The following FAIM2 variants were observed in gnomAD, a reference collection of about 807,000 sequenced individuals.
FAIM2 encodes the protein protein lifeguard 2.
In FAIM2, 27 loss-of-function variants were observed where a neutral mutation model predicts 47.4. The ratio of observed to expected loss-of-function variants is 0.57; its 90% CI spans 0.42 to 0.78. FAIM2 has a LOEUF of 0.78. FAIM2 is among the 30% of genes least tolerant of loss of function. FAIM2 has a pLI of 0.00. For missense variants in FAIM2, 311 were observed against 389.4 expected (o/e 0.80, Z 1.69); for synonymous variants, 156 against 159.3 (o/e 0.98, Z 0.16).
chr12:49,897,857 G>A (rs943962039), intron 3 of FAIM2, 130 bp downstream of exon 3: 7 of 718,608 alleles, frequency 9.7e-6, no homozygotes, highest in Middle Eastern at 3.8e-4. Context: ...TTCCTAGTGG[G>A]TGCTGTCAGC....
intron 2 of FAIM2, 108 bp from the exon 3 acceptor site, chr12:49,898,198 A>C (rs1946953857): frequency 2.1e-6 from 1 of 486,228 alleles, no homozygotes; most frequent in Admixed American, 3.1e-5. Flanking sequence ...GGCTCTCTGG[A>C]CCCTGAAGTC....
chr12:49,894,618 G>A (rs1284617413), intron 5 of FAIM2, among the ~76,000 whole-genome samples: 1 of 152,292 alleles, frequency 6.6e-6, no homozygotes, highest in South Asian at 2.1e-4. Flanking sequence ...AGAATGTCAG[G>A]ACAGGGAAGT....
chr12:49,876,885 C>G (rs1050856641), intron 11 of FAIM2, among the ~76,000 whole-genome samples: 14 of 152,218 alleles, frequency 9.2e-5, no homozygotes, highest in African/African-American at 3.4e-4. Flanking sequence ...GCCTGTGAGA[C>G]AGGCAGGTTA....
chr12:49,878,198 GTGTA>G lies in FAIM2; in HGVS notation c.802-7549_802-7546del, dbSNP rs1415030963. Among the ~76,000 whole-genome samples the G allele has an allele frequency of 6.6e-5, 9 of 135,422 alleles. 1 individual carries two copies. Among genetic ancestry groups the G allele is most frequent in the East Asian group, 2.5e-4 (1 of 4,070 alleles). 88.8% of individuals were successfully genotyped at this position (135,422 alleles called of 152,430 possible). ...TGCATGTGTATATGTGTGTGCATATGTGTATGTATGTGCTTGTGTGTATATGTGC... is the reference window on the plus strand; with the variant it reads ...TGCATGTGTATATGTGTGTGCATATGTGTATGTGCTTGTGTGTATATGTGC... On this transcript the variant is annotated intron_variant, in intron 11 of 11. Transcript: ENST00000320634.
intron 9 of FAIM2, 33 bp downstream of exon 9, chr12:49,889,448 C>G: frequency 6.3e-7 from 1 of 1,595,516 alleles, no homozygotes. Context: ...AGCCTCAGGC[C>G]AGGGGTCCCT....
At position 49,880,158 on chromosome 12, in the gene FAIM2, G is replaced by A. The variant is rs538080356; in HGVS notation, c.801+7228C>T. 5.4e-5 allele frequency among the ~76,000 whole-genome samples: 8 copies of A among 148,162 alleles called. No individual in the cohort carries two copies. The South Asian group carries it at 1.7e-3, about 32-fold the overall frequency. On this transcript the variant is annotated intron_variant, in intron 11 of 11. Coordinates refer to ENST00000320634, the MANE Select transcript of FAIM2 (RefSeq NM_012306.4). Reference sequence around the variant, plus strand: ...TGTGTATATGTGAGTGTATGTGTGTGCATGTGTGTATGTGTGTGTATGCAT... The same window carrying A: ...TGTGTATATGTGAGTGTATGTGTGTACATGTGTGTATGTGTGTGTATGCAT...
intron 11 of FAIM2, among the ~76,000 whole-genome samples, chr12:49,882,216 G>A (rs1023390941): frequency 2.4e-4 from 36 of 152,204 alleles, no homozygotes; most frequent in African/African-American, 8.2e-4. Flanking sequence ...ATTCCCCAAA[G>A]GCTACGGTGG....
intron 2 of FAIM2, 57 bp from the exon 3 acceptor site, chr12:49,898,147 C>A: frequency 8.6e-7 from 1 of 1,166,112 alleles, no homozygotes; most frequent in Non-Finnish European, 1.2e-6. Context: ...GAATTACTGT[C>A]CCCAACAGCC....
chr12:49,887,301 T>A, intron 11 of FAIM2, 85 bp downstream of exon 11: 2 of 1,237,126 alleles, frequency 1.6e-6, no homozygotes, highest in South Asian at 2.6e-5. Context: ...GGAAGAGGGC[T>A]GTGAGGAAGA....
At chr12:49,886,049 A>G (rs1009867722) in intron 11 of FAIM2, among the ~76,000 whole-genome samples, 66 of 152,028 alleles carry the variant, frequency 4.3e-4, no homozygotes, top group African/African-American at 1.5e-3. Context: ...AAGCCTCCGG[A>G]AATTTGACTA....
intron 2 of FAIM2, among the ~76,000 whole-genome samples, chr12:49,899,275 A>G (rs1450899347): frequency 2.6e-5 from 4 of 152,036 alleles, no homozygotes; most frequent in African/African-American, 9.7e-5. Context: ...CAAGTCCTCC[A>G]GTGTGTTCAT....
Position 49,898,007 on chromosome 12 carries a change from G to C in FAIM2, c.295C>G (p.Arg99Gly). 1 of 1,613,726 alleles carries C rather than the reference G, an allele frequency of 6.2e-7. No homozygotes were observed. Among genetic ancestry groups the C allele is most frequent in the South Asian group, 1.1e-5 (1 of 91,028 alleles). The change falls in exon 3 of 12, where the codon CGT (arginine) becomes GGT (glycine). Residue 99 changes from arginine to glycine, a missense_variant. Transcript: ENST00000320634. ...ATTACCTTTCTGACAAAGACTCGAC[G>C]AACTTTCTGGTCATCCCAGCTGAAA... ...TTFSWDDQKVRRVFVRKVYTI... is the reference protein window; with the variant it reads ...TTFSWDDQKVGRVFVRKVYTI...
chr12:49,879,783 CATGT>C (rs1021376583), intron 11 of FAIM2, among the ~76,000 whole-genome samples: 3 of 140,288 alleles, frequency 2.1e-5, no homozygotes, highest in African/African-American at 2.7e-5. Flanking sequence ...TATATATGTG[CATGT>C]GTGTATGTGT....
chr12:49,878,800 A>ATGTGCGTCTGTGTG lies in FAIM2; in HGVS notation c.802-8148_802-8147insCACACAGACGCACA, dbSNP rs796913911. Among the ~76,000 whole-genome samples the ATGTGCGTCTGTGTG allele has an allele frequency of 2.5e-5, 2 of 78,512 alleles. 1 individual carries two copies. Among genetic ancestry groups the ATGTGCGTCTGTGTG allele is most frequent in the Non-Finnish European group, 4.4e-5 (2 of 45,798 alleles). The allele number at this position is 78,512 out of a possible 152,430, so 51.5% of individuals were successfully genotyped here. A position where few individuals can be genotyped will look rare whatever the true frequency, so the allele number is the denominator to read the frequency against. ...TGAGTGTATGTGTGCCTGTGTGTAT[A>ATGTGCGTCTGTGTG]TGTGTGCATGTGAATGTGTGTATAT... is the stretch of plus-strand genomic sequence containing the variant. On this transcript the variant is annotated intron_variant, in intron 11 of 11. Transcript: ENST00000320634.
At chr12:49,883,962 C>T (rs1946843468) in intron 11 of FAIM2, among the ~76,000 whole-genome samples, 1 of 152,194 alleles carries the variant, frequency 6.6e-6, no homozygotes, top group African/African-American at 2.4e-5. Context: ...TGGCTCATGC[C>T]TGTTATCCCA....
intron 11 of FAIM2, among the ~76,000 whole-genome samples, chr12:49,877,262 G>T (rs1248264): frequency 0.76 from 116,297 of 152,124 alleles, 44,946 homozygotes; most frequent in African/African-American, 0.86. Flanking sequence ...CAGGCAGGCC[G>T]CAGGAGGGGG....
At position 49,889,139 on chromosome 12, in the gene FAIM2, G is replaced by A. The variant is rs1201965093; in HGVS notation, c.715C>T (p.Leu239Phe). 1 of 1,611,906 alleles carries A rather than the reference G, an allele frequency of 6.2e-7. No individual in the cohort carries two copies. Among genetic ancestry groups the A allele is most frequent in the Non-Finnish European group, 8.5e-7 (1 of 1,179,152 alleles). Residue 239 changes from leucine to phenylalanine, a missense_variant, in exon 10 of 12, where the codon CTC (leucine) becomes TTC (phenylalanine). Leu to Phe is a conservative substitution (Grantham distance 22, BLOSUM62 0). Transcript: ENST00000320634. ...AAGGGTAGGAGGATGGCCAGGATGAGTCCGCTGAAGAAAAGAGTCATGAGA... is the reference window on the plus strand; with the variant it reads ...AAGGGTAGGAGGATGGCCAGGATGAATCCGCTGAAGAAAAGAGTCATGAGA... ...VLLMTLFFSG[L>F]ILAILLPFQY...
intron 11 of FAIM2, among the ~76,000 whole-genome samples, chr12:49,885,297 G>A (rs1335870729): frequency 3.3e-5 from 5 of 152,126 alleles, no homozygotes; most frequent in Admixed American, 6.6e-5. Flanking sequence ...TAAACTCCCC[G>A]GCCGGCCCCC....
intron 11 of FAIM2, among the ~76,000 whole-genome samples, chr12:49,880,703 CAT>C (rs1413834880): frequency 5.3e-4 from 68 of 127,498 alleles, no homozygotes; most frequent in African/African-American, 1.9e-3. Flanking sequence ...CATGTGAGTC[CAT>C]GTGTGTACAT....
Sources: gnomAD v4.1 joint callset for allele counts (sites outside exome capture counted in the v4.1 genomes callset) on GRCh38, gnomAD v4.1.1 for gene constraint, MANE v1.5 for transcripts, NCBI Gene and HGNC (gene_info 2026-07-23, HGNC 2026-07-21) for gene names.